Variants in VEZT observed in about 807,000 individuals in gnomAD.
VEZT encodes the protein vezatin, adherens junctions transmembrane protein.
Under a neutral mutation model 79.9 loss-of-function variants are expected in VEZT, and 39 were observed. The observed-to-expected ratio is 0.49, with a 90% CI of 0.38 to 0.64. VEZT has a LOEUF of 0.64. VEZT is among the 30% of genes least tolerant of loss of function. The pLI is 0.00. For synonymous variants in VEZT, 325 were observed against 327.6 expected, an observed-to-expected ratio of 0.99 and a Z score of 0.09; for missense variants, 837 against 893.1, an observed-to-expected ratio of 0.94 and a Z score of 0.80.
intron 8 of VEZT, among the ~76,000 whole-genome samples, chr12:95,285,711 T>C (rs1164481898): frequency 2.0e-5 from 3 of 152,166 alleles, no homozygotes; most frequent in Non-Finnish European, 4.4e-5. Context: ...TCTCTGGGCC[T>C]AATTCCTTAT....
chr12:95,241,832 G>C (rs2061063719), intron 1 of VEZT, among the ~76,000 whole-genome samples: 1 of 152,116 alleles, frequency 6.6e-6, no homozygotes, highest in South Asian at 2.1e-4. Flanking sequence ...CTTTACATTA[G>C]TTTGTGGAAA....
chr12:95,234,542 G>A (rs546853146), intron 1 of VEZT, among the ~76,000 whole-genome samples: 17 of 152,160 alleles, frequency 1.1e-4, no homozygotes, highest in African/African-American at 3.6e-4. Context: ...TGATTTGCCC[G>A]CCTCAGCCTC....
At chr12:95,280,505 TC>T (rs538981925) in intron 7 of VEZT, among the ~76,000 whole-genome samples, 132 of 92,400 alleles carry the variant, frequency 1.4e-3, no homozygotes, top group South Asian at 4.6e-3. Flanking sequence ...CACACACTAT[TC>T]CCCCCCTTTC....
At chr12:95,227,443 C>T (rs2058662501) in intron 1 of VEZT, among the ~76,000 whole-genome samples, 2 of 148,406 alleles carry the variant, frequency 1.3e-5, no homozygotes, top group South Asian at 2.1e-4. Context: ...CGGGTTCAAG[C>T]GATTCTCCTG....
intron 1 of VEZT, among the ~76,000 whole-genome samples, 169 bp from the exon 2 acceptor site, chr12:95,251,771 T>C (rs2137838426): frequency 6.6e-6 from 1 of 152,340 alleles, no homozygotes; most frequent in South Asian, 2.1e-4. Flanking sequence ...GTTGATTTGT[T>C]TGTGTTAAAT....
At chr12:95,257,087 A>G in intron 2 of VEZT, 63 bp from the exon 3 acceptor site, 1 of 1,336,624 alleles carries the variant, frequency 7.5e-7, no homozygotes, top group South Asian at 1.4e-5. Context: ...AAGTACTTTG[A>G]AGTTTTTCTG....
intron 1 of VEZT, among the ~76,000 whole-genome samples, chr12:95,222,119 C>T (rs1158223552): frequency 3.3e-5 from 5 of 152,166 alleles, no homozygotes; most frequent in African/African-American, 1.2e-4. Context: ...TTACCTTGGG[C>T]TATATGTGGC....
intron 1 of VEZT, chr12:95,244,088 T>C: frequency 2.4e-6 from 1 of 417,450 alleles, no homozygotes; most frequent in Non-Finnish European, 4.7e-6. Context: ...AACTCTTTTT[T>C]TTTTTTCCTT....
intron 8 of VEZT, chr12:95,286,639 A>T (rs2070961168): frequency 2.4e-6 from 1 of 417,660 alleles, no homozygotes; most frequent in Non-Finnish European, 4.8e-6. Flanking sequence ...TTAACTCTGG[A>T]CAATCTAAAT....
intron 7 of VEZT, among the ~76,000 whole-genome samples, chr12:95,275,365 G>A (rs1250503956): frequency 1.3e-5 from 2 of 152,100 alleles, no homozygotes; most frequent in African/African-American, 4.8e-5. Context: ...GGCCAAAGCA[G>A]GCAGATCACC....
chr12:95,248,338 G>C (rs1026472009), intron 1 of VEZT, among the ~76,000 whole-genome samples: 1 of 152,222 alleles, frequency 6.6e-6, no homozygotes, highest in Non-Finnish European at 1.5e-5. Context: ...TTAATGTGCT[G>C]TCATTGTGAA....
chr12:95,271,015 A>C (rs184478211), intron 6 of VEZT, among the ~76,000 whole-genome samples: 139 of 152,298 alleles, frequency 9.1e-4, no homozygotes, highest in Non-Finnish European at 1.6e-3. Flanking sequence ...TTTATGTTCT[A>C]TCATATCCTT....
At chr12:95,240,086 A>C (rs2060821413) in intron 1 of VEZT, among the ~76,000 whole-genome samples, 1 of 151,960 alleles carries the variant, frequency 6.6e-6, no homozygotes. Context: ...GAAAAGAAAG[A>C]GGAAAACAGA....
intron 6 of VEZT, 113 bp from the exon 7 acceptor site, chr12:95,274,629 C>A: frequency 1.7e-6 from 2 of 1,146,000 alleles, no homozygotes; most frequent in Non-Finnish European, 2.4e-6. Flanking sequence ...TGCTGTAAAC[C>A]TCCTCATCCA....
At chr12:95,240,031 AGG>A (rs2060765433) in intron 1 of VEZT, among the ~76,000 whole-genome samples, 1 of 89,188 alleles carries the variant, frequency 1.1e-5, no homozygotes, top group Non-Finnish European at 2.7e-5. Flanking sequence ...AAAGGAAGGA[AGG>A]AAGGAAGGAA....
intron 1 of VEZT, among the ~76,000 whole-genome samples, chr12:95,237,371 C>T (rs2060335978): frequency 6.6e-6 from 1 of 152,022 alleles, no homozygotes; most frequent in Non-Finnish European, 1.5e-5. Context: ...ATGTTTAGTA[C>T]TGCTGTTGTT....
At chr12:95,296,496 G>C in intron 11 of VEZT, 1 of 319,036 alleles carries the variant, frequency 3.1e-6, no homozygotes, top group East Asian at 5.5e-5. Flanking sequence ...TAGTAAATTT[G>C]TTTTAGAATG....
intron 1 of VEZT, among the ~76,000 whole-genome samples, chr12:95,244,971 G>A (rs781749301): frequency 6.6e-6 from 1 of 152,126 alleles, no homozygotes; most frequent in Non-Finnish European, 1.5e-5. Context: ...GGTGGCTCAT[G>A]CCTGTAATCC....
At chr12:95,231,102 T>A (rs2059217223) in intron 1 of VEZT, among the ~76,000 whole-genome samples, 1 of 152,230 alleles carries the variant, frequency 6.6e-6, no homozygotes, top group Non-Finnish European at 1.5e-5. Flanking sequence ...GTTTGCTATT[T>A]ATTACATCTC....
Sources: allele counts gnomAD v4.1 joint callset (sites outside exome capture counted in the v4.1 genomes callset), GRCh38; gene constraint gnomAD v4.1.1; transcripts MANE v1.5; gene names NCBI Gene and HGNC (gene_info 2026-07-23, HGNC 2026-07-21).